LY75: variants seen among roughly 807,000 people sequenced by gnomAD.
LY75 encodes the protein C-type lectin domain family 13 member B.
A neutral mutation model predicts 231.7 loss-of-function variants in LY75; 185 were observed. The ratio of observed to expected loss-of-function variants is 0.80; its 90% confidence interval spans 0.71 to 0.90. The LOEUF is 0.90. Among genes scored for constraint, LY75 ranks in the 40% least tolerant of loss-of-function variants. The probability of loss-of-function intolerance (pLI) is 0.00; values close to 1 mark genes in which losing one functional copy is unlikely to be tolerated. For synonymous variants in LY75, 668 were observed against 689.0 expected (o/e 0.97, Z 0.48); for missense variants, 1,947 against 2,050.2 (o/e 0.95, Z 0.97).
chr2:159,838,941 G>A (rs1041657282), intron 25 of LY75, among the ~76,000 whole-genome samples: 7 of 151,926 alleles, frequency 4.6e-5, no homozygotes, highest in African/African-American at 7.3e-5. Flanking sequence ...GGTTACAGAC[G>A]CCCGCCATGA....
Position 159,831,681 on chromosome 2 carries a change from A to C in LY75, c.3947T>G (p.Ile1316Arg). ...NYMASWVMLGITYRNKSLMWF... is the reference protein window; with the variant it reads ...NYMASWVMLGRTYRNKSLMWF... ...GATTTACAACTTACTTCTATAAGTT[A>C]TTCCTAACATGACCCATGAAGCCAT... The change falls in exon 28 of 35, where the codon ATA becomes AGA. Residue 1316 changes from isoleucine (I) to arginine (R), a missense_variant. Coordinates refer to ENST00000263636, the MANE Select transcript of LY75 (RefSeq NM_002349.4). 1 of 1,609,182 alleles carries C rather than the reference A, an allele frequency of 6.2e-7. No homozygotes were observed.
chr2:159,850,791 T>TATATATATATATATATATATAAAA (rs1341394980), intron 21 of LY75, among the ~76,000 whole-genome samples: 53 of 94,482 alleles, frequency 5.6e-4, no homozygotes, highest in Admixed American at 3.2e-3. Context: ...TATATATATA[T>TATATATATATATATATATATAAAA]ATATATATTA....
At chr2:159,808,246 A>G in intron 33 of LY75, 3 of 776,422 alleles carry the variant, frequency 3.9e-6, no homozygotes, top group Non-Finnish European at 4.7e-6. Flanking sequence ...TTTCTGTGTC[A>G]TTAGTGGTTT....
In LY75 at chr2:159,842,228, T is replaced by C. The variant is rs1402205995; in HGVS notation, c.3280+17A>G. 1.2e-6 allele frequency: 2 copies of C among 1,604,782 alleles called. No individual in the cohort carries two copies. Among genetic ancestry groups the C allele is most frequent in the African/African-American group, 1.4e-5 (1 of 73,084 alleles). On this transcript the variant is annotated intron_variant, in intron 24 of 34. Transcript: ENST00000263636. ...AATAGCATAAAGTACCATAGTTATC[T>C]AGATAATAATTGTTACCTGAATATT...
At position 159,831,721 on chromosome 2, in the gene LY75, G is replaced by T. The variant is rs747607143; in HGVS notation, c.3907C>A (p.Leu1303Met). 73 of 1,612,668 alleles carry T rather than the reference G, an allele frequency of 4.5e-5. No individual in the cohort carries two copies. Among genetic ancestry groups the T allele is most frequent in the Non-Finnish European group, 6.1e-5 (72 of 1,179,534 alleles). ...CATGAAGCCATATAATTGAAGTACAGCAGTTGCTCAAGAACAAAGTTATTC... is the reference window on the plus strand; with the variant it reads ...CATGAAGCCATATAATTGAAGTACATCAGTTGCTCAAGAACAAAGTTATTC... ...KENNFVLEQL[L>M]YFNYMASWVM... The change falls in exon 28 of 35, where the codon CTG becomes ATG. Residue 1303 changes from leucine (L) to methionine (M), a missense_variant. By Grantham distance (15) the Leu-to-Met change is conservative. Coordinates refer to ENST00000263636, the MANE Select transcript of LY75 (RefSeq NM_002349.4).
chr2:159,814,888 C>G (rs143552288), intron 31 of LY75, among the ~76,000 whole-genome samples: 24 of 151,344 alleles, frequency 1.6e-4, no homozygotes, highest in African/African-American at 4.9e-4. Context: ...TACCTGGTGA[C>G]AGAACAAATG....
At chr2:159,835,338 A>G (rs1683786084) in intron 26 of LY75, 142 bp downstream of exon 26, 1 of 839,570 alleles carries the variant, frequency 1.2e-6, no homozygotes, top group South Asian at 2.6e-5. Flanking sequence ...ACAAATTTTC[A>G]CAACAAATGT....
At chr2:159,813,332 G>GTT (rs200109491) in intron 31 of LY75, among the ~76,000 whole-genome samples, 2,276 of 141,314 alleles carry the variant, frequency 0.016, 28 homozygotes, top group Non-Finnish European at 0.019. Flanking sequence ...TCTCTGTTTT[G>GTT]TTTTTTTTTT....
intron 11 of LY75, among the ~76,000 whole-genome samples, chr2:159,877,022 A>AG (rs1685294619): frequency 1.3e-5 from 2 of 149,090 alleles, no homozygotes; most frequent in Non-Finnish European, 3.0e-5. Context: ...AAAAAAAAAA[A>AG]AAAAAAAAAA....
At position 159,819,760 on chromosome 2, in the gene LY75, G is replaced by C. The variant is rs532499860; in HGVS notation, c.4119C>G (p.His1373Gln). 5.0e-6 allele frequency: 8 copies of C among 1,613,442 alleles called. No individual in the cohort carries two copies. The highest frequency in any genetic ancestry group is 6.8e-6 in the Non-Finnish European group (8 of 1,179,816). Reference sequence around the variant, plus strand: ...TTTTACAAGCAAGAATGCTGTGCTGGTGAAAATAAACTGCTTCTTCAATAA... The same window carrying C: ...TTTTACAAGCAAGAATGCTGTGCTGCTGAAAATAAACTGCTTCTTCAATAA... ...FKVIEEAVYF[H>Q]QHSILACKIE... is the part of the protein sequence containing the mutation. Residue 1373 changes from histidine (H) to glutamine (Q), a missense_variant, in exon 29 of 35, where the codon CAC becomes CAG. By Grantham distance (24) the His-to-Gln change is conservative (BLOSUM62 0). Coordinates refer to ENST00000263636, the MANE Select transcript of LY75 (RefSeq NM_002349.4).
intron 12 of LY75, 86 bp from the exon 13 acceptor site, chr2:159,872,679 G>T (rs1486029598): frequency 4.2e-6 from 6 of 1,439,784 alleles, no homozygotes; most frequent in Admixed American, 2.0e-5. Flanking sequence ...CACATGTGTG[G>T]GCCCCTGAAA....
At chr2:159,896,560 T>C (rs1306363753) in intron 2 of LY75, among the ~76,000 whole-genome samples, 2 of 152,188 alleles carry the variant, frequency 1.3e-5, no homozygotes, top group African/African-American at 4.8e-5. Flanking sequence ...GTTTTGTTTA[T>C]ATACTGCTAG....
chr2:159,818,193 G>C (rs1224604622), intron 29 of LY75, among the ~76,000 whole-genome samples: 2 of 152,170 alleles, frequency 1.3e-5, no homozygotes, highest in African/African-American at 2.4e-5. Context: ...ACCCTATTAA[G>C]TGTGGACTCA....
At chr2:159,808,166 A>G in intron 33 of LY75, 3 of 977,546 alleles carry the variant, frequency 3.1e-6, no homozygotes, top group South Asian at 4.7e-5. Context: ...TGGAGAAGAA[A>G]ATGTCCTGAT....
Position 159,806,767 on chromosome 2 carries a change from CTG to C in LY75, c.4990+204_4990+205del, listed in dbSNP as rs559767117. Among the ~76,000 whole-genome samples the C allele has an allele frequency of 9.8e-5, 15 of 152,306 alleles. No homozygotes were observed. The East Asian group carries it at 2.9e-3, about 29-fold the overall frequency. On this transcript the variant is annotated intron_variant, in intron 34 of 34. Transcript: ENST00000263636. ...AGGAAAGAATTATATAAAATGTAGACTGGAGTCCTGGACATCTTGTGCAGTTA... is the reference window on the plus strand; with the variant it reads ...AGGAAAGAATTATATAAAATGTAGACGAGTCCTGGACATCTTGTGCAGTTA...
chr2:159,899,735 T>G (rs1388321354), intron 1 of LY75, among the ~76,000 whole-genome samples: 2 of 152,202 alleles, frequency 1.3e-5, no homozygotes, highest in Non-Finnish European at 2.9e-5. Context: ...AGATATTTTT[T>G]GGAGACCTAA....
chr2:159,878,650 A>G lies in LY75; in HGVS notation c.1587T>C (p.Asn529=). ...GGTCACACCTGCTAGTGATAGTCAG[A>G]TTGCAGTTTGTTCCAAAAGGGACCT... The part of the protein sequence containing the change: ...EDEVPFGTNC[N]LTITSRFEQE... Residue 529 remains asparagine, a synonymous_variant, in exon 10 of 35, where the codon AAT becomes AAC. Coordinates refer to ENST00000263636, the MANE Select transcript of LY75 (RefSeq NM_002349.4). The G allele has an allele frequency of 6.2e-7, 1 of 1,614,040 alleles. No homozygotes were observed. Among genetic ancestry groups the G allele is most frequent in the Non-Finnish European group, 8.5e-7 (1 of 1,179,952 alleles).
rs564362304 is a variant in LY75 at position 159,865,038 on chromosome 2, C to T, written c.2118-118G>A. ...ACAGTTTCAAGCAACATAAAGAAGT[C>T]TTTTGAAATGAAACTAAGCCCTTAA... On this transcript the variant is annotated intron_variant, in intron 13 of 34. Transcript: ENST00000263636. The T allele has an allele frequency of 6.1e-4, 531 of 870,314 alleles. 1 individual carries two copies. The highest frequency in any genetic ancestry group is 2.2e-3 in the Middle Eastern group (9 of 4,138). The allele number at this position is 870,314 out of a possible 1,614,324, so 53.9% of individuals were successfully genotyped here.
chr2:159,855,815 C>T (rs760917985), intron 16 of LY75, among the ~76,000 whole-genome samples: 1 of 152,180 alleles, frequency 6.6e-6, no homozygotes, highest in African/African-American at 2.4e-5. Context: ...ATCACACTGG[C>T]TTCAAGTCAA....
Sources: gnomAD v4.1 joint callset for allele counts (sites outside exome capture counted in the v4.1 genomes callset) on GRCh38, gnomAD v4.1.1 for gene constraint, MANE v1.5 for transcripts, NCBI Gene and HGNC (gene_info 2026-07-23, HGNC 2026-07-21) for gene names.